FHIT: variants seen among roughly 807,000 people sequenced by gnomAD.
FHIT encodes fragile histidine triad diadenosine triphosphatase.
Under a neutral mutation model 17.9 loss-of-function variants are expected in FHIT, and 19 were observed. The ratio of observed to expected loss-of-function variants is 1.06; its 90% CI spans 0.74 to 1.56. The LOEUF (loss-of-function observed/expected upper bound fraction) is 1.56, where lower values mean the gene tolerates loss of function less well. Among genes scored for constraint, FHIT ranks in the 40% most tolerant of loss-of-function variants. FHIT has a pLI of 0.00. For missense variants in FHIT, 248 were observed against 189.2 expected (o/e 1.31, Z -1.82); for synonymous variants, 81 against 69.7 (o/e 1.16, Z -0.81).
At chr3:60,776,750 T>A (rs1226423684) in intron 4 of FHIT, among the ~76,000 whole-genome samples, 1 of 152,238 alleles carries the variant, frequency 6.6e-6, no homozygotes, top group Non-Finnish European at 1.5e-5. Flanking sequence ...TAGATTTACA[T>A]GCAAGGTGTA....
intron 5 of FHIT, among the ~76,000 whole-genome samples, chr3:60,193,274 G>C (rs957377947): frequency 6.6e-5 from 10 of 152,138 alleles, no homozygotes; most frequent in African/African-American, 9.7e-5. Context: ...ACCTGCATCA[G>C]AAGACATGCC....
chr3:60,087,674 T>C (rs1703553122), intron 5 of FHIT, among the ~76,000 whole-genome samples: 1 of 152,148 alleles, frequency 6.6e-6, no homozygotes. Context: ...TGCAGCCAAG[T>C]TATTTGCTAC....
chr3:59,959,443 G>C (rs1707561472), intron 7 of FHIT, among the ~76,000 whole-genome samples: 1 of 152,166 alleles, frequency 6.6e-6, no homozygotes, highest in South Asian at 2.1e-4. Context: ...AGAATATTCT[G>C]ACTTGAAATC....
chr3:59,860,614 G>C (rs1056717850), intron 8 of FHIT, among the ~76,000 whole-genome samples: 10 of 152,210 alleles, frequency 6.6e-5, no homozygotes, highest in African/African-American at 2.4e-4. Context: ...AAAAGTATGA[G>C]ACTGACTGGA....
At chr3:60,207,379 T>C (rs1703245797) in intron 5 of FHIT, among the ~76,000 whole-genome samples, 1 of 152,170 alleles carries the variant, frequency 6.6e-6, no homozygotes, top group Non-Finnish European at 1.5e-5. Context: ...ACACCTTTCC[T>C]TCCTTTCAAT....
At chr3:59,916,427 G>A (rs1445125462) in intron 8 of FHIT, among the ~76,000 whole-genome samples, 1 of 152,042 alleles carries the variant, frequency 6.6e-6, no homozygotes, top group Non-Finnish European at 1.5e-5. Context: ...CTATTGTGGG[G>A]CTTCACCTTG....
intron 2 of FHIT, among the ~76,000 whole-genome samples, chr3:61,073,588 G>T (rs1312341405): frequency 1.3e-5 from 2 of 152,124 alleles, no homozygotes; most frequent in Non-Finnish European, 2.9e-5. Context: ...GGACAAGTGG[G>T]AATTCAAAAA....
intron 5 of FHIT, among the ~76,000 whole-genome samples, chr3:60,466,637 G>T (rs1224960631): frequency 6.6e-6 from 1 of 152,010 alleles, no homozygotes; most frequent in East Asian, 1.9e-4. Context: ...TAATCATATC[G>T]TTTTTGTCCT....
intron 5 of FHIT, among the ~76,000 whole-genome samples, chr3:60,375,016 G>A (rs1700488132): frequency 6.6e-6 from 1 of 151,732 alleles, no homozygotes; most frequent in African/African-American, 2.4e-5. Context: ...GACTCTAAGG[G>A]TAGCAGTGGT....
At chr3:60,473,278 A>G (rs1172398918) in intron 5 of FHIT, among the ~76,000 whole-genome samples, 1 of 152,214 alleles carries the variant, frequency 6.6e-6, no homozygotes, top group African/African-American at 2.4e-5. Flanking sequence ...TCAAAGAGTA[A>G]TTAAAGCACT....
chr3:61,024,725 A>G (rs1198272955), intron 3 of FHIT, among the ~76,000 whole-genome samples: 1 of 152,206 alleles, frequency 6.6e-6, no homozygotes, highest in Admixed American at 6.5e-5. Flanking sequence ...AAGACAACGC[A>G]TTTTATGATT....
intron 8 of FHIT, among the ~76,000 whole-genome samples, chr3:59,886,694 C>T (rs1048922788): frequency 3.3e-5 from 5 of 152,126 alleles, no homozygotes; most frequent in African/African-American, 1.2e-4. Context: ...CATGATGGAT[C>T]TACCCTCATC....
chr3:61,116,495 G>C (rs988642448), intron 2 of FHIT, among the ~76,000 whole-genome samples: 7 of 152,112 alleles, frequency 4.6e-5, no homozygotes, highest in African/African-American at 1.4e-4. Flanking sequence ...TAGAGCAGAA[G>C]ACTAGAGTCA....
chr3:60,009,991 G>T (rs1700078699), intron 7 of FHIT, among the ~76,000 whole-genome samples: 2 of 152,146 alleles, frequency 1.3e-5, no homozygotes, highest in Admixed American at 1.3e-4. Context: ...ACTTAATACA[G>T]TTTGTGCATT....
intron 2 of FHIT, among the ~76,000 whole-genome samples, chr3:61,054,097 G>A (rs116191087): frequency 3.1e-4 from 47 of 152,308 alleles, no homozygotes; most frequent in Non-Finnish European, 6.6e-4. Flanking sequence ...CAGCACTGGT[G>A]TGGTATCCCC....
intron 7 of FHIT, among the ~76,000 whole-genome samples, chr3:59,990,444 T>C (rs1157338251): frequency 1.3e-5 from 2 of 152,046 alleles, no homozygotes; most frequent in Non-Finnish European, 2.9e-5. Context: ...AGAAAGTATA[T>C]TGTTCTAAAT....
intron 2 of FHIT, among the ~76,000 whole-genome samples, chr3:61,177,938 G>A (rs2038208433): frequency 6.6e-6 from 1 of 151,858 alleles, no homozygotes; most frequent in South Asian, 2.1e-4. Flanking sequence ...CCACTTTCTG[G>A]GTTTTTTTTC....
At chr3:60,861,173 CTATGAT>C (rs1703809517) in intron 3 of FHIT, among the ~76,000 whole-genome samples, 1 of 1,184 alleles carries the variant, frequency 8.4e-4, no homozygotes, top group Admixed American at 0.022. Context: ...ATCATATGTT[CTATGAT>C]ATATATGATA....
In FHIT at chr3:59,752,212, A is replaced by G. The variant is rs1174170471; in HGVS notation, c.*5+9T>C. On this transcript the variant is annotated intron_variant, in intron 9 of 9. Coordinates refer to ENST00000492590, the MANE Select transcript of FHIT (RefSeq NM_002012.4). ...GAGGGTCTGGGTAATGACGAAATGC[A>G]GTCTTTACCTGTGTCACTGAAAGTA... The G allele has an allele frequency of 1.3e-6, 2 of 1,591,988 alleles. No individual in the cohort carries two copies. The highest frequency in any genetic ancestry group is 2.2e-5 in the East Asian group (1 of 44,482).
Sources: allele counts gnomAD v4.1 joint callset (sites outside exome capture counted in the v4.1 genomes callset), GRCh38; gene constraint gnomAD v4.1.1; transcripts MANE v1.5; gene names NCBI Gene and HGNC (gene_info 2026-07-23, HGNC 2026-07-21).